Variants in FGF14 observed in about 807,000 individuals in gnomAD.
FGF14 encodes fibroblast growth factor homologous factor 4.
A neutral mutation model predicts 25.5 loss-of-function variants in FGF14; 5 were observed. The ratio of observed to expected loss-of-function variants is 0.20; its 90% CI spans 0.10 to 0.41. The LOEUF is 0.41. FGF14 is among the 10% of genes least tolerant of loss of function. The pLI is 1.00. For missense variants in FGF14, 222 were observed against 320.1 expected (o/e 0.69, Z 2.34); for synonymous variants, 138 against 118.3 (o/e 1.17, Z -1.08).
chr13:102,251,598 A>G (rs765593208), intron 1 of FGF14, among the ~76,000 whole-genome samples: 7 of 152,202 alleles, frequency 4.6e-5, no homozygotes, highest in Admixed American at 6.5e-5. Flanking sequence ...AGTCCAGTAG[A>G]GATGCCAGCC....
chr13:102,238,669 T>C lies in FGF14; in HGVS notation c.208+162802A>G, dbSNP rs77249119. Among the ~76,000 whole-genome samples, 1,524 of 152,356 alleles carry C rather than the reference T, an allele frequency of 0.01. 62 individuals are homozygous for C. In the East Asian group the frequency reaches 0.12, roughly 12 times the overall value. On this transcript the variant is annotated intron_variant, in intron 1 of 4. Coordinates refer to the FGF14 transcript ENST00000376131. ...TAGCCAAGAAGGCAGATTCAAAGTA[T>C]AGACAGTGATATGGCAGACAGCCAG...
At chr13:102,213,800 C>T (rs889424371) in intron 1 of FGF14, among the ~76,000 whole-genome samples, 1 of 152,098 alleles carries the variant, frequency 6.6e-6, no homozygotes, top group Admixed American at 6.6e-5. Context: ...CCTATATGTC[C>T]CAGCCATCAG....
At chr13:102,151,905 T>G (rs1023090587) in intron 1 of FGF14, among the ~76,000 whole-genome samples, 1 of 152,226 alleles carries the variant, frequency 6.6e-6, no homozygotes, top group Non-Finnish European at 1.5e-5. Context: ...TGTAATAACC[T>G]AGTATTTCAT....
chr13:102,161,769 G>A (rs1241525691), intron 1 of FGF14, among the ~76,000 whole-genome samples: 1 of 151,580 alleles, frequency 6.6e-6, no homozygotes, highest in Non-Finnish European at 1.5e-5. Context: ...TAAGCTCTAT[G>A]TGGGCAGGAA....
intron 1 of FGF14, among the ~76,000 whole-genome samples, chr13:102,379,864 G>T (rs560034507): frequency 1.6e-4 from 24 of 152,194 alleles, no homozygotes; most frequent in Middle Eastern, 3.4e-3. Flanking sequence ...TATTCCTTAA[G>T]AAAATAAACC....
chr13:101,878,792 TAA>T (rs2045538576), intron 1 of FGF14, among the ~76,000 whole-genome samples: 1 of 152,046 alleles, frequency 6.6e-6, no homozygotes, highest in African/African-American at 2.4e-5. Context: ...CCTTCAGATA[TAA>T]AAGTGTGGAA....
At chr13:101,992,209 A>AT (rs1186510371) in intron 1 of FGF14, among the ~76,000 whole-genome samples, 1 of 152,132 alleles carries the variant, frequency 6.6e-6, no homozygotes, top group Non-Finnish European at 1.5e-5. Context: ...CTCAGATGCT[A>AT]TTTTAAAAGT....
intron 1 of FGF14, among the ~76,000 whole-genome samples, chr13:101,934,941 A>G (rs1210210341): frequency 6.6e-6 from 1 of 152,228 alleles, no homozygotes; most frequent in Non-Finnish European, 1.5e-5. Flanking sequence ...TTTCACGTGT[A>G]TAATACAGTG....
At chr13:102,395,204 T>C (rs1012491182) in intron 1 of FGF14, 1 of 152,032 alleles carries the variant, frequency 6.6e-6, no homozygotes, top group Non-Finnish European at 1.5e-5. Context: ...CCAGTTACCA[T>C]CTTCAGAGAA....
In FGF14 at chr13:101,814,250, G is replaced by A. The variant is rs572573632; in HGVS notation, c.408+54475C>T. On this transcript the variant is annotated intron_variant, in intron 3 of 4. Transcript: ENST00000376143. The stretch of plus-strand genomic sequence containing the variant: ...TTAACTAGATCCCCAGGTGATTCAC[G>A]TGCACATTCAGGTTTAAGAAACCTT... Among the ~76,000 whole-genome samples the A allele has an allele frequency of 1.7e-4, 26 of 152,210 alleles. No homozygotes were observed. In the East Asian group the frequency reaches 2.9e-3, roughly 17 times the overall value.
rs1239790918 is a variant in FGF14 at position 102,069,326 on chromosome 13, G to A, written c.209-194030C>T. 5.9e-5 allele frequency among the ~76,000 whole-genome samples: 9 copies of A among 152,258 alleles called. No individual in the cohort carries two copies. In the East Asian group the frequency reaches 1.7e-3, roughly 29 times the overall value. On this transcript the variant is annotated intron_variant, in intron 1 of 4. Transcript: ENST00000376131. ...TCAGGGATTGTAAACGCACCAATCA[G>A]CGCCCTGTCAAAAAAGGCCACTCGG...
chr13:101,825,859 G>C (rs1338973299), intron 3 of FGF14, among the ~76,000 whole-genome samples: 1 of 152,094 alleles, frequency 6.6e-6, no homozygotes, highest in Non-Finnish European at 1.5e-5. Context: ...CATGAGGATT[G>C]TAAGGGGGTT....
At chr13:101,773,025 G>A (rs139055180) in intron 3 of FGF14, among the ~76,000 whole-genome samples, 2 of 152,212 alleles carry the variant, frequency 1.3e-5, no homozygotes, top group East Asian at 1.9e-4. Flanking sequence ...TTAAGGAAAG[G>A]TGTGGTAGCT....
chr13:101,946,731 C>A (rs557466743), intron 1 of FGF14, among the ~76,000 whole-genome samples: 36 of 152,210 alleles, frequency 2.4e-4, no homozygotes, highest in Non-Finnish European at 2.4e-4. Context: ...AAACTCTTTT[C>A]TCCAAAGTCC....
At chr13:101,767,704 C>T (rs983573945) in intron 3 of FGF14, among the ~76,000 whole-genome samples, 1 of 152,036 alleles carries the variant, frequency 6.6e-6, no homozygotes, top group Admixed American at 6.6e-5. Context: ...GGGAGTAGTT[C>T]GATGACTGGC....
rs761695567 is a variant in FGF14, at chr13:102,031,748, A to T, written c.209-156452T>A. On this transcript the variant is annotated intron_variant, in intron 1 of 4. Transcript: ENST00000376131. ...ACTGAGTCCATAAATGGGTCCCCTA[A>T]GACCTTTAGAAATGTATTTCCTTAA... is the stretch of plus-strand genomic sequence containing the variant. Among the ~76,000 whole-genome samples the T allele has an allele frequency of 2.0e-4, 31 of 152,078 alleles. 1 individual carries two copies. Among genetic ancestry groups the T allele is most frequent in the Admixed American group, 5.2e-4 (8 of 15,250 alleles).
intron 1 of FGF14, among the ~76,000 whole-genome samples, chr13:102,383,529 T>A (rs1395253378): frequency 6.6e-6 from 1 of 152,226 alleles, no homozygotes; most frequent in Non-Finnish European, 1.5e-5. Context: ...AGGACAGCCA[T>A]GTACTCTTCA....
chr13:101,912,447 T>C (rs2033044325), intron 1 of FGF14, among the ~76,000 whole-genome samples: 1 of 152,172 alleles, frequency 6.6e-6, no homozygotes. Flanking sequence ...ATTGAAAAAT[T>C]CATAATAAAA....
chr13:101,812,218 A>C lies in FGF14; in HGVS notation c.408+56507T>G, dbSNP rs75089356. The stretch of plus-strand genomic sequence containing the variant: ...TATTTAAAGATATTACAGGATTGGA[A>C]ATTTTGTTACTCGAATCATCAGTTA... On this transcript the variant is annotated intron_variant, in intron 3 of 4. Coordinates refer to ENST00000376143, the MANE Select transcript of FGF14 (RefSeq NM_004115.4). Among the ~76,000 whole-genome samples, 184 of 152,208 alleles carry C rather than the reference A, an allele frequency of 1.2e-3. 1 individual carries two copies. Among genetic ancestry groups the C allele is most frequent in the Middle Eastern group, 6.8e-3 (2 of 294 alleles).
Sources: allele counts gnomAD v4.1 joint callset (sites outside exome capture counted in the v4.1 genomes callset), GRCh38; gene constraint gnomAD v4.1.1; transcripts MANE v1.5; gene names NCBI Gene and HGNC (gene_info 2026-07-23, HGNC 2026-07-21).